TEKT5: variants seen among roughly 807,000 people sequenced by gnomAD.
TEKT5 encodes tektin 5, also known as tektin-5.
A neutral mutation model predicts 48.7 loss-of-function variants in TEKT5; 52 were observed. The observed-to-expected ratio is 1.07, with a 90% CI of 0.86 to 1.35. The LOEUF is 1.35. TEKT5 is among the 40% of genes most tolerant of loss of function. The probability of loss-of-function intolerance (pLI) is 0.00; values close to 1 mark genes in which losing one functional copy is unlikely to be tolerated. For missense variants in TEKT5, 831 were observed against 641.6 expected (o/e 1.30, Z -3.19); for synonymous variants, 318 against 267.6 (o/e 1.19, Z -1.84).
rs774554761 is a variant in TEKT5 at position 10,694,630 on chromosome 16, G to A, written c.244C>T (p.Arg82Cys). 49 of 1,612,454 alleles carry A rather than the reference G, an allele frequency of 3.0e-5. No homozygotes were observed. Among genetic ancestry groups the A allele is most frequent in the Non-Finnish European group, 4.0e-5 (47 of 1,179,216 alleles). Residue 82 changes from arginine to cysteine, a missense_variant, in exon 1 of 7, where the codon CGC (arginine) becomes TGC (cysteine). Transcript: ENST00000283025. The stretch of plus-strand genomic sequence containing the variant: ...CTATAGCGAGAGAAGAGTGCGGAGC[G>A]CAGTGTGGGCAGGATGGTGGGCGGC... ...LRPPTILPTL[R>C]SALFSRYSPH...
intron 4 of TEKT5, among the ~76,000 whole-genome samples, chr16:10,681,409 C>T (rs973786825): frequency 3.3e-5 from 5 of 150,368 alleles, no homozygotes; most frequent in African/African-American, 1.2e-4. Flanking sequence ...CTCTCTCTCT[C>T]TGGCTGGTCT....
chr16:10,650,548 CTG>C (rs1898138780), intron 5 of TEKT5, among the ~76,000 whole-genome samples: 1 of 152,136 alleles, frequency 6.6e-6, no homozygotes, highest in African/African-American at 2.4e-5. Context: ...TGTCCAGACT[CTG>C]TCACTCAAGG....
intron 5 of TEKT5, among the ~76,000 whole-genome samples, chr16:10,648,614 G>A (rs932266443): frequency 2.6e-5 from 4 of 152,216 alleles, no homozygotes; most frequent in African/African-American, 9.7e-5. Context: ...TTACAGGCAT[G>A]AGCCACCACG....
chr16:10,633,193 T>A (rs1158697158), intron 6 of TEKT5, among the ~76,000 whole-genome samples: 3 of 152,098 alleles, frequency 2.0e-5, no homozygotes, highest in Non-Finnish European at 4.4e-5. Flanking sequence ...AAACCCTGAC[T>A]CTACTAACAA....
At chr16:10,656,071 T>C (rs1412978498) in intron 5 of TEKT5, among the ~76,000 whole-genome samples, 9 of 152,168 alleles carry the variant, frequency 5.9e-5, no homozygotes, top group Non-Finnish European at 2.9e-5. Flanking sequence ...TTTGATAAAA[T>C]TTGTGGAGGA....
chr16:10,667,711 C>A (rs770651026), intron 5 of TEKT5, among the ~76,000 whole-genome samples: 20 of 152,176 alleles, frequency 1.3e-4, no homozygotes, highest in Non-Finnish European at 2.4e-4. Flanking sequence ...TATCCACATA[C>A]CATCTACATA....
chr16:10,649,834 T>C (rs1898124878), intron 5 of TEKT5, among the ~76,000 whole-genome samples: 1 of 152,172 alleles, frequency 6.6e-6, no homozygotes, highest in Non-Finnish European at 1.5e-5. Context: ...GAACATGGCA[T>C]TCCTGCGCTT....
chr16:10,638,938 G>A (rs950255206), intron 5 of TEKT5, among the ~76,000 whole-genome samples: 11 of 152,146 alleles, frequency 7.2e-5, no homozygotes, highest in African/African-American at 2.7e-4. Context: ...GTTCAATACC[G>A]TCTACCTTTT....
intron 5 of TEKT5, among the ~76,000 whole-genome samples, chr16:10,658,727 T>TCTTC (rs1555466064): frequency 7.0e-6 from 1 of 143,080 alleles, no homozygotes. Flanking sequence ...TCTTTTTCTT[T>TCTTC]TTTTTTTTGA....
intron 5 of TEKT5, among the ~76,000 whole-genome samples, chr16:10,650,080 TA>T (rs1272168995): frequency 1.2e-4 from 18 of 151,150 alleles, no homozygotes; most frequent in Non-Finnish European, 2.1e-4. Context: ...TTTTTATTAT[TA>T]TTTTTTTTGA....
chr16:10,630,115 G>T (rs2142253431), intron 6 of TEKT5, among the ~76,000 whole-genome samples: 1 of 152,038 alleles, frequency 6.6e-6, no homozygotes, highest in South Asian at 2.1e-4. Flanking sequence ...TTAATGTTTT[G>T]TAGAGACAGG....
intron 5 of TEKT5, among the ~76,000 whole-genome samples, chr16:10,644,922 A>T (rs1040487898): frequency 6.6e-6 from 1 of 152,182 alleles, no homozygotes; most frequent in East Asian, 1.9e-4. Context: ...AGAGGCGATT[A>T]GGTGATGAGG....
chr16:10,657,266 C>T (rs371175034), intron 5 of TEKT5, among the ~76,000 whole-genome samples: 1 of 151,916 alleles, frequency 6.6e-6, no homozygotes, highest in Non-Finnish European at 1.5e-5. Flanking sequence ...GCTGGGATTA[C>T]AGGCATGCAC....
At chr16:10,657,847 G>A (rs1250516856) in intron 5 of TEKT5, among the ~76,000 whole-genome samples, 7 of 151,012 alleles carry the variant, frequency 4.6e-5, no homozygotes, top group Non-Finnish European at 7.4e-5. Context: ...TGATCCGCCC[G>A]GCTCGGCCTC....
chr16:10,681,990 T>TG lies in TEKT5; in HGVS notation c.863+2_863+3insC. ...GGATGGGGAGGGGGAGTCTGATACT[T>TG]ACGTGCCGTCAATTTTCTCCATGCC... is the stretch of plus-strand genomic sequence containing the variant. On this transcript the variant is annotated splice_region_variant and intron_variant, in intron 4 of 6. Coordinates refer to ENST00000283025, the MANE Select transcript of TEKT5 (RefSeq NM_144674.2). The TG allele has an allele frequency of 1.2e-6, 2 of 1,613,850 alleles. No individual in the cohort carries two copies. The highest frequency in any genetic ancestry group is 4.5e-5 in the East Asian group (2 of 44,884).
chr16:10,656,190 G>A (rs2719651), intron 5 of TEKT5, among the ~76,000 whole-genome samples: 102,668 of 152,038 alleles, frequency 0.68, 35,398 homozygotes, highest in African/African-American at 0.81. Context: ...ATCTCCAGAC[G>A]TTGCCAACTA....
chr16:10,678,342 C>G (rs1201348447), intron 4 of TEKT5, among the ~76,000 whole-genome samples: 1 of 152,100 alleles, frequency 6.6e-6, no homozygotes, highest in Non-Finnish European at 1.5e-5. Flanking sequence ...CGTGATTCGC[C>G]CACCTCAGCC....
At chr16:10,653,743 T>A (rs529826065) in intron 5 of TEKT5, among the ~76,000 whole-genome samples, 1 of 152,168 alleles carries the variant, frequency 6.6e-6, no homozygotes, top group Non-Finnish European at 1.5e-5. Flanking sequence ...TGAAACCCCG[T>A]CTCTACTAAA....
chr16:10,670,900 C>A (rs1167865913), intron 5 of TEKT5, among the ~76,000 whole-genome samples: 1 of 150,778 alleles, frequency 6.6e-6, no homozygotes, highest in Non-Finnish European at 1.5e-5. Context: ...TTTATTTCAA[C>A]TTATTTTAAT....
Sources: allele counts gnomAD v4.1 joint callset (sites outside exome capture counted in the v4.1 genomes callset), GRCh38; gene constraint gnomAD v4.1.1; transcripts MANE v1.5; gene names NCBI Gene and HGNC (gene_info 2026-07-23, HGNC 2026-07-21).